Variants in MCTP1 observed in about 807,000 individuals in gnomAD.
MCTP1 encodes the protein multiple C2 and transmembrane domain-containing protein 1.
A neutral mutation model predicts 120.6 loss-of-function variants in MCTP1; 69 were observed. The ratio of observed to expected loss-of-function variants is 0.57; its 90% CI spans 0.47 to 0.70. MCTP1 has a LOEUF of 0.70. Among genes scored for constraint, MCTP1 ranks in the 30% least tolerant of loss-of-function variants. The pLI, the probability that MCTP1 is intolerant of heterozygous loss-of-function variation, is 0.00. For missense variants in MCTP1, 1,203 were observed against 1,248.8 expected (o/e 0.96, Z 0.55); for synonymous variants, 529 against 493.1 (o/e 1.07, Z -0.96).
intron 1 of MCTP1, among the ~76,000 whole-genome samples, chr5:95,130,522 A>T (rs1405003502): frequency 1.3e-5 from 2 of 152,194 alleles, no homozygotes; most frequent in African/African-American, 2.4e-5. Context: ...TCAGTGTATT[A>T]GTTTGCTAAG....
rs144879697 is a variant in MCTP1, at chr5:95,151,204, G to A, written c.720+132652C>T. Among the ~76,000 whole-genome samples the A allele has an allele frequency of 2.6e-3, 389 of 149,204 alleles. 2 individuals carry two copies. The highest frequency in any genetic ancestry group is 9.1e-3 in the African/African-American group (370 of 40,604). Reference sequence around the variant, plus strand: ...TTGCCATGTTGCCCAGGCTGCTCTCGAACTCCTGAGCTCAGGCAATCTGTC... The same window carrying A: ...TTGCCATGTTGCCCAGGCTGCTCTCAAACTCCTGAGCTCAGGCAATCTGTC... On this transcript the variant is annotated intron_variant, in intron 1 of 22. Transcript: ENST00000515393.
chr5:94,778,914 T>A lies in MCTP1; in HGVS notation c.2610+196A>T, dbSNP rs559267114. ...TTGGCAGAAAAATATTTGACCCAGCTCTGGACAAAAGCAAAGAGGATTTAT... is the reference window on the plus strand; with the variant it reads ...TTGGCAGAAAAATATTTGACCCAGCACTGGACAAAAGCAAAGAGGATTTAT... On this transcript the variant is annotated intron_variant, in intron 19 of 22. Coordinates refer to ENST00000515393, the MANE Select transcript of MCTP1 (RefSeq NM_024717.7). Among the ~76,000 whole-genome samples the A allele has an allele frequency of 5.4e-4, 82 of 152,298 alleles. 2 individuals carry two copies. In the South Asian group the frequency reaches 0.011, roughly 21 times the overall value.
intron 20 of MCTP1, among the ~76,000 whole-genome samples, chr5:94,713,695 C>T (rs1333695928): frequency 1.3e-5 from 2 of 152,076 alleles, no homozygotes; most frequent in Non-Finnish European, 1.5e-5. Context: ...TGAATGTTTC[C>T]TAAAGGCACA....
intron 1 of MCTP1, among the ~76,000 whole-genome samples, chr5:95,031,090 TA>T (rs1562046624): frequency 6.6e-6 from 1 of 150,916 alleles, no homozygotes; most frequent in African/African-American, 2.4e-5. Context: ...GACAAAAATT[TA>T]AAAAAAATTA....
intron 7 of MCTP1, among the ~76,000 whole-genome samples, chr5:94,922,511 G>T (rs77553415): frequency 0.23 from 33,976 of 149,682 alleles, 4,784 homozygotes; most frequent in South Asian, 0.38. Flanking sequence ...TTTTTGAAAT[G>T]GAGTTTTGCT....
At chr5:94,909,191 C>A in intron 10 of MCTP1, 60 bp downstream of exon 10, 3 of 1,559,402 alleles carry the variant, frequency 1.9e-6, no homozygotes, top group Non-Finnish European at 2.6e-6. Flanking sequence ...AGGCTTACAG[C>A]AAATATTCTT....
chr5:95,123,015 TAATGGGTTC>T (rs1758352144), intron 1 of MCTP1, among the ~76,000 whole-genome samples: 1 of 152,178 alleles, frequency 6.6e-6, no homozygotes, highest in African/African-American at 2.4e-5. Context: ...TGCAGATGGT[TAATGGGTTC>T]AAAAATATAG....
chr5:95,206,736 C>T (rs748215174), intron 1 of MCTP1, among the ~76,000 whole-genome samples: 17 of 152,218 alleles, frequency 1.1e-4, no homozygotes, highest in Non-Finnish European at 2.2e-4. Flanking sequence ...CAGGGTTTCA[C>T]CATGTTGGCC....
At chr5:95,198,528 G>A (rs191419049) in intron 1 of MCTP1, among the ~76,000 whole-genome samples, 2 of 152,264 alleles carry the variant, frequency 1.3e-5, no homozygotes, top group East Asian at 3.9e-4. Context: ...GTTTAAGGTA[G>A]ACTAGGTTAA....
At chr5:95,139,661 T>A (rs1439993411) in intron 1 of MCTP1, among the ~76,000 whole-genome samples, 1 of 152,230 alleles carries the variant, frequency 6.6e-6, no homozygotes. Context: ...TATTTTTAGT[T>A]ACATATCCAA....
chr5:94,870,629 T>C (rs1356194621), intron 15 of MCTP1, 138 bp from the exon 16 acceptor site: 14 of 716,586 alleles, frequency 2.0e-5, no homozygotes, highest in Non-Finnish European at 3.4e-5. Context: ...ATGTATACAG[T>C]TGCACATGCA....
intron 17 of MCTP1, among the ~76,000 whole-genome samples, chr5:94,818,957 T>A (rs1785037967): frequency 6.6e-6 from 1 of 152,072 alleles, no homozygotes. Context: ...GAACAAGGGG[T>A]TATTTTAGTG....
intron 20 of MCTP1, among the ~76,000 whole-genome samples, chr5:94,714,324 G>T (rs931347023): frequency 6.6e-5 from 10 of 151,946 alleles, no homozygotes; most frequent in Admixed American, 3.3e-4. Flanking sequence ...AAATATTTTT[G>T]CAGGGTACCA....
intron 21 of MCTP1, chr5:94,708,984 C>CTTAT (rs1208333816): frequency 6.3e-6 from 1 of 159,504 alleles, no homozygotes; most frequent in Non-Finnish European, 1.4e-5. Flanking sequence ...AGATGTCTAA[C>CTTAT]TTATTTGGTT....
chr5:94,943,971 T>C (rs895214702), intron 3 of MCTP1, among the ~76,000 whole-genome samples: 2 of 152,192 alleles, frequency 1.3e-5, no homozygotes, highest in Admixed American at 1.3e-4. Flanking sequence ...AGCCCAGCAC[T>C]CCTATGCTCA....
At chr5:94,962,758 C>T (rs1824592773) in intron 2 of MCTP1, among the ~76,000 whole-genome samples, 1 of 152,028 alleles carries the variant, frequency 6.6e-6, no homozygotes, top group South Asian at 2.1e-4. Flanking sequence ...AAAGACTACA[C>T]ATTGGGTACA....
chr5:95,157,954 A>G (rs1004337794), intron 1 of MCTP1, among the ~76,000 whole-genome samples: 2 of 152,210 alleles, frequency 1.3e-5, no homozygotes, highest in African/African-American at 4.8e-5. Flanking sequence ...TTCTTTACAG[A>G]AAATATCTGC....
At chr5:94,740,733 G>GTA (rs1260792521) in intron 19 of MCTP1, among the ~76,000 whole-genome samples, 1 of 152,210 alleles carries the variant, frequency 6.6e-6, no homozygotes, top group Non-Finnish European at 1.5e-5. Flanking sequence ...TGTGTGCAGA[G>GTA]TATAGCAGGC....
intron 17 of MCTP1, among the ~76,000 whole-genome samples, chr5:94,803,408 A>G (rs921738138): frequency 1.3e-5 from 2 of 152,230 alleles, no homozygotes; most frequent in Non-Finnish European, 1.5e-5. Context: ...CAGTAGAAAG[A>G]GAACGGTGTT....
Sources: gnomAD v4.1 joint callset for allele counts (sites outside exome capture counted in the v4.1 genomes callset) on GRCh38, gnomAD v4.1.1 for gene constraint, MANE v1.5 for transcripts, NCBI Gene and HGNC (gene_info 2026-07-23, HGNC 2026-07-21) for gene names.